Variants in CSMD1 observed in about 807,000 individuals in gnomAD.
CSMD1 encodes the protein CUB and Sushi multiple domains 1, also known as CUB and sushi domain-containing protein 1.
A neutral mutation model predicts 417.5 loss-of-function variants in CSMD1; 213 were observed. That is an observed-to-expected ratio of 0.51 (90% confidence interval 0.46 to 0.57). CSMD1 has a LOEUF of 0.57. CSMD1 is among the 20% of genes least tolerant of loss of function. CSMD1 has a pLI of 0.00. For missense variants in CSMD1, 6,923 were observed against 4,529.7 expected (o/e 1.53, Z -15.17); for synonymous variants, 2,862 against 1,736.8 (o/e 1.65, Z -16.11).
intron 1 of CSMD1, among the ~76,000 whole-genome samples, chr8:4,931,885 A>G (rs1329207581): frequency 6.6e-6 from 1 of 152,210 alleles, no homozygotes; most frequent in Non-Finnish European, 1.5e-5. Context: ...TGATTGTTAT[A>G]TGGAGATATG....
chr8:3,839,522 AAT>A (rs925915396), intron 5 of CSMD1, among the ~76,000 whole-genome samples: 3 of 70,346 alleles, frequency 4.3e-5, no homozygotes, highest in Non-Finnish European at 9.5e-5. Context: ...ATAGAATATA[AAT>A]ATATGTTAAG....
At chr8:3,849,305 G>A (rs1364894347) in intron 5 of CSMD1, among the ~76,000 whole-genome samples, 1 of 152,116 alleles carries the variant, frequency 6.6e-6, no homozygotes, top group African/African-American at 2.4e-5. Context: ...AGGGCGGACT[G>A]GGAAGGAAGT....
chr8:3,946,641 T>A (rs995821221), intron 5 of CSMD1, among the ~76,000 whole-genome samples: 2 of 152,186 alleles, frequency 1.3e-5, no homozygotes, highest in African/African-American at 4.8e-5. Flanking sequence ...CATCTACAGA[T>A]GAATAAACTT....
At chr8:4,939,703 G>T (rs1807853536) in intron 1 of CSMD1, among the ~76,000 whole-genome samples, 1 of 152,136 alleles carries the variant, frequency 6.6e-6, no homozygotes, top group African/African-American at 2.4e-5. Context: ...CAGAGGACAA[G>T]GAATAATTTC....
chr8:3,237,094 C>T (rs73660624), intron 26 of CSMD1, among the ~76,000 whole-genome samples: 21 of 152,056 alleles, frequency 1.4e-4, no homozygotes, highest in African/African-American at 4.6e-4. Context: ...TGACAACGTG[C>T]GGCTACTGCA....
chr8:4,670,973 T>C (rs759786851), intron 1 of CSMD1, among the ~76,000 whole-genome samples: 1 of 152,252 alleles, frequency 6.6e-6, no homozygotes, highest in Non-Finnish European at 1.5e-5. Flanking sequence ...TGCTATCTCC[T>C]GACTACAGCT....
chr8:3,553,130 A>G (rs74618044), intron 10 of CSMD1, among the ~76,000 whole-genome samples: 1 of 151,782 alleles, frequency 6.6e-6, no homozygotes, highest in Non-Finnish European at 1.5e-5. Context: ...AGGAGAAAAA[A>G]AAAAAGAAAG....
At position 4,669,341 on chromosome 8, in the gene CSMD1, G is replaced by A. The variant is rs566320242; in HGVS notation, c.86-31783C>T. Among the ~76,000 whole-genome samples, 13 of 152,190 alleles carry A rather than the reference G, an allele frequency of 8.5e-5. No individual in the cohort carries two copies. In the South Asian group the frequency reaches 2.5e-3, roughly 29 times the overall value. ...TCTACCCAGAAGGTACACTCCAATT[G>A]GTAATTCCTCCAATCCGTATTTCTC... On this transcript the variant is annotated intron_variant, in intron 1 of 69. Transcript: ENST00000635120.
At chr8:3,380,965 G>C (rs570125151) in intron 18 of CSMD1, among the ~76,000 whole-genome samples, 35 of 152,108 alleles carry the variant, frequency 2.3e-4, no homozygotes, top group African/African-American at 8.2e-4. Flanking sequence ...GAAGAATTTG[G>C]GGATGGTACT....
intron 3 of CSMD1, among the ~76,000 whole-genome samples, chr8:4,328,725 C>G (rs1799697656): frequency 6.6e-6 from 1 of 152,084 alleles, no homozygotes; most frequent in South Asian, 2.1e-4. Flanking sequence ...ATGGCTATTT[C>G]TTTACTGTTC....
intron 7 of CSMD1, among the ~76,000 whole-genome samples, chr8:3,689,244 C>A (rs530181635): frequency 1.3e-5 from 2 of 152,122 alleles, no homozygotes; most frequent in East Asian, 1.9e-4. Context: ...CCACAGTTAC[C>A]ATGAAGTGAA....
intron 23 of CSMD1, among the ~76,000 whole-genome samples, chr8:3,340,295 G>A (rs1209948508): frequency 6.6e-6 from 1 of 152,164 alleles, no homozygotes; most frequent in Non-Finnish European, 1.5e-5. Context: ...GAATTACCAG[G>A]ATTGTAAAGT....
intron 36 of CSMD1, among the ~76,000 whole-genome samples, chr8:3,186,445 A>G (rs1821764535): frequency 6.6e-6 from 1 of 152,222 alleles, no homozygotes; most frequent in African/African-American, 2.4e-5. Flanking sequence ...ACAGATAACA[A>G]TAAGATGATA....
intron 3 of CSMD1, among the ~76,000 whole-genome samples, chr8:4,123,436 T>C (rs1489169505): frequency 6.6e-6 from 1 of 152,246 alleles, no homozygotes; most frequent in East Asian, 1.9e-4. Flanking sequence ...TAAATATATT[T>C]GGCCTTTAAT....
At chr8:3,478,905 C>T (rs1817579627) in intron 11 of CSMD1, among the ~76,000 whole-genome samples, 1 of 152,170 alleles carries the variant, frequency 6.6e-6, no homozygotes, top group African/African-American at 2.4e-5. Context: ...GAGACTGAGT[C>T]TCTTCCCCAC....
chr8:3,613,058 T>C (rs1278585201), intron 8 of CSMD1, among the ~76,000 whole-genome samples: 3 of 152,030 alleles, frequency 2.0e-5, no homozygotes, highest in Non-Finnish European at 4.4e-5. Context: ...TAAAATTTTT[T>C]TAAAAATATG....
intron 2 of CSMD1, among the ~76,000 whole-genome samples, chr8:4,636,805 G>T (rs930682171): frequency 2.0e-5 from 3 of 152,150 alleles, no homozygotes; most frequent in Non-Finnish European, 4.4e-5. Flanking sequence ...CTGGTAATGA[G>T]GGGTGAAGCC....
chr8:4,640,323 T>G (rs1754733081), intron 1 of CSMD1, among the ~76,000 whole-genome samples: 1 of 152,218 alleles, frequency 6.6e-6, no homozygotes, highest in African/African-American at 2.4e-5. Context: ...GTTTTTAAAG[T>G]ATCTATGCCT....
intron 26 of CSMD1, among the ~76,000 whole-genome samples, chr8:3,257,501 T>A (rs1272177682): frequency 6.6e-6 from 1 of 151,980 alleles, no homozygotes; most frequent in Non-Finnish European, 1.5e-5. Flanking sequence ...ACAGTGACAG[T>A]GCGTTGGGAT....
Sources: allele counts gnomAD v4.1 joint callset (sites outside exome capture counted in the v4.1 genomes callset), GRCh38; gene constraint gnomAD v4.1.1; transcripts MANE v1.5; gene names NCBI Gene and HGNC (gene_info 2026-07-23, HGNC 2026-07-21).